Variants in SLC5A4 observed in about 807,000 individuals in gnomAD.
SLC5A4 encodes solute carrier family 5 member 4, also known as probable glucose sensor protein SLC5A4.
Under a neutral mutation model 70.3 loss-of-function variants are expected in SLC5A4, and 55 were observed. The observed-to-expected ratio is 0.78, with a 90% CI of 0.63 to 0.98. The LOEUF (loss-of-function observed/expected upper bound fraction) is 0.98. Ranked by LOEUF, SLC5A4 falls within the 50% of genes least tolerant of loss-of-function variation. The probability of loss-of-function intolerance (pLI) is 0.00; values close to 1 mark genes in which losing one functional copy is unlikely to be tolerated. For missense variants in SLC5A4, 735 were observed against 839.2 expected, an observed-to-expected ratio of 0.88 and a Z score of 1.53; for synonymous variants, 268 against 305.7, an observed-to-expected ratio of 0.88 and a Z score of 1.29.
At chr22:32,231,696 T>C (rs1399321670) in intron 9 of SLC5A4, among the ~76,000 whole-genome samples, 1 of 152,232 alleles carries the variant, frequency 6.6e-6, no homozygotes, top group Non-Finnish European at 1.5e-5. Flanking sequence ...TCCTTTTCTA[T>C]AGAGAAATGT....
chr22:32,253,926 A>G (rs531328333), intron 2 of SLC5A4, among the ~76,000 whole-genome samples: 7 of 152,116 alleles, frequency 4.6e-5, no homozygotes, highest in Non-Finnish European at 8.8e-5. Context: ...GATTACAGGC[A>G]TACACACCAC....
At chr22:32,252,546 G>A (rs182570147) in intron 2 of SLC5A4, among the ~76,000 whole-genome samples, 65 of 152,208 alleles carry the variant, frequency 4.3e-4, no homozygotes, top group African/African-American at 1.1e-3. Flanking sequence ...CTACAACAGC[G>A]GGGTTCTGTG....
chr22:32,293,801 T>C, the SLC5A4 span, among the ~76,000 whole-genome samples: 285 of 152,252 alleles, frequency 1.9e-3, no homozygotes, highest in Non-Finnish European at 2.8e-3. Context: ...GCCCATTAGT[T>C]ATTAGTTATA....
At chr22:32,326,357 A>G in the SLC5A4 span, among the ~76,000 whole-genome samples, 8 of 151,544 alleles carry the variant, frequency 5.3e-5, no homozygotes, top group African/African-American at 1.9e-4. Context: ...CCCGAGTTCA[A>G]GCGATTCTCC....
the SLC5A4 span, among the ~76,000 whole-genome samples, chr22:32,354,470 G>A: frequency 6.8e-6 from 1 of 146,912 alleles, no homozygotes; most frequent in Non-Finnish European, 1.5e-5. Context: ...AACACGTCCC[G>A]CCCACCGCAG....
chr22:32,264,380 C>T, the SLC5A4 span, among the ~76,000 whole-genome samples: 2 of 151,888 alleles, frequency 1.3e-5, no homozygotes, highest in Non-Finnish European at 2.9e-5. Context: ...CTAGACCAGC[C>T]AGGGCAACAT....
At chr22:32,343,085 A>C in the SLC5A4 span, 1 of 152,192 alleles carries the variant, frequency 6.6e-6, no homozygotes, top group Non-Finnish European at 1.5e-5. Flanking sequence ...ATACTCTCTC[A>C]TGCTTTGCTG....
chr22:32,333,189 C>T, the SLC5A4 span, among the ~76,000 whole-genome samples: 1 of 130,264 alleles, frequency 7.7e-6, no homozygotes, highest in African/African-American at 3.1e-5. Context: ...TCTGCTCTAG[C>T]ACTGGCACCC....
the SLC5A4 span, among the ~76,000 whole-genome samples, chr22:32,342,851 T>C: frequency 0.22 from 32,913 of 152,140 alleles, 4,060 homozygotes; most frequent in East Asian, 0.48. Flanking sequence ...ATACAGAGCA[T>C]GAGAAAACTA....
chr22:32,314,045 C>T, the SLC5A4 span, among the ~76,000 whole-genome samples: 1 of 152,108 alleles, frequency 6.6e-6, no homozygotes, highest in Admixed American at 6.6e-5. Flanking sequence ...ATGGAGAAGT[C>T]AAGGGAGTGG....
chr22:32,242,700 C>A (rs1479036278), intron 5 of SLC5A4, among the ~76,000 whole-genome samples: 1 of 151,974 alleles, frequency 6.6e-6, no homozygotes, highest in Non-Finnish European at 1.5e-5. Context: ...CAGAGTGAGA[C>A]TCCGTCTCAA....
the SLC5A4 span, among the ~76,000 whole-genome samples, chr22:32,292,616 A>T: frequency 1.3e-5 from 2 of 151,902 alleles, no homozygotes; most frequent in African/African-American, 2.4e-5. Flanking sequence ...ATATATATAT[A>T]TTTTATAGAA....
chr22:32,280,730 T>C, the SLC5A4 span, among the ~76,000 whole-genome samples: 4 of 152,296 alleles, frequency 2.6e-5, no homozygotes, highest in African/African-American at 7.2e-5. Context: ...CTTTCTAACA[T>C]TCTGAACCAA....
chr22:32,286,442 T>G, the SLC5A4 span, among the ~76,000 whole-genome samples: 7 of 152,194 alleles, frequency 4.6e-5, no homozygotes, highest in African/African-American at 1.7e-4. Context: ...ATGAAAGTAG[T>G]TGGATCCCTG....
At chr22:32,329,256 G>C in the SLC5A4 span, among the ~76,000 whole-genome samples, 1 of 152,140 alleles carries the variant, frequency 6.6e-6, no homozygotes, top group Non-Finnish European at 1.5e-5. Context: ...CTCAGCCTTA[G>C]CTCGAAGTCA....
chr22:32,302,312 TTAC>T, the SLC5A4 span, among the ~76,000 whole-genome samples: 5 of 152,166 alleles, frequency 3.3e-5, no homozygotes, highest in African/African-American at 1.2e-4. Context: ...AATTTTTTTT[TTAC>T]AGTCTGTAGC....
the SLC5A4 span, among the ~76,000 whole-genome samples, chr22:32,264,030 G>A: frequency 5.9e-5 from 9 of 151,990 alleles, no homozygotes; most frequent in Non-Finnish European, 1.2e-4. Context: ...ATACACCGGG[G>A]CCTGTCATGG....
intron 6 of SLC5A4, among the ~76,000 whole-genome samples, chr22:32,238,345 G>A (rs117541226): frequency 1.3e-3 from 201 of 152,198 alleles, no homozygotes; most frequent in Middle Eastern, 0.01. Context: ...TCTCTCTGTC[G>A]CTTATTTTAG....
the SLC5A4 span, among the ~76,000 whole-genome samples, chr22:32,338,558 G>A: frequency 3.3e-5 from 5 of 152,086 alleles, no homozygotes; most frequent in Admixed American, 3.3e-4. Context: ...CCAGCTACTC[G>A]GGAAGCCAAG....
Sources: allele counts gnomAD v4.1 joint callset (sites outside exome capture counted in the v4.1 genomes callset), GRCh38; gene constraint gnomAD v4.1.1; transcripts MANE v1.5; gene names NCBI Gene and HGNC (gene_info 2026-07-23, HGNC 2026-07-21).